AIG1: variants seen among roughly 807,000 people sequenced by gnomAD.
The protein encoded by AIG1 is androgen-induced gene 1 protein.
In AIG1, 23 loss-of-function variants were observed where a neutral mutation model predicts 31.4. The observed-to-expected ratio is 0.73, with a 90% CI of 0.53 to 1.04. The LOEUF is 1.04. Ranked by LOEUF, AIG1 falls within the 50% of genes least tolerant of loss-of-function variation. The pLI, the probability that AIG1 is intolerant of heterozygous loss-of-function variation, is 0.00. For synonymous variants in AIG1, 100 were observed against 110.5 expected (o/e 0.90, Z 0.60); for missense variants, 274 against 295.0 (o/e 0.93, Z 0.52).
At chr6:143,281,906 T>G (rs1038304591) in intron 3 of AIG1, among the ~76,000 whole-genome samples, 44 of 152,190 alleles carry the variant, frequency 2.9e-4, no homozygotes, top group Non-Finnish European at 5.9e-4. Context: ...ATGGGACAAG[T>G]TGCTCCTGTT....
At chr6:143,200,799 C>T (rs1457371145) in intron 3 of AIG1, among the ~76,000 whole-genome samples, 1 of 152,100 alleles carries the variant, frequency 6.6e-6, no homozygotes, top group African/African-American at 2.4e-5. Flanking sequence ...GCCTCAGGAC[C>T]ATTGCTGGAC....
chr6:143,188,694 A>C (rs1247417142), intron 3 of AIG1: 2 of 984,836 alleles, frequency 2.0e-6, no homozygotes, highest in Non-Finnish European at 2.4e-6. Flanking sequence ...ACCCCTCTAG[A>C]GCTCTCTAAG....
At chr6:143,156,644 C>CCA (rs775210623) in intron 2 of AIG1, among the ~76,000 whole-genome samples, 4 of 152,136 alleles carry the variant, frequency 2.6e-5, no homozygotes, top group African/African-American at 4.8e-5. Flanking sequence ...GAGATGGAGA[C>CCA]CACATGCAGA....
At position 143,292,262 on chromosome 6, in the gene AIG1, T is replaced by C. The variant is rs1421465034; in HGVS notation, c.515+8037T>C. Among the ~76,000 whole-genome samples, 1 of 152,238 alleles carries C rather than the reference T, an allele frequency of 6.6e-6. No homozygotes were observed. The highest frequency in any genetic ancestry group is 2.4e-5 in the African/African-American group (1 of 41,470). ...ACATGGCATGTGGCAAAAGGGACTT[T>C]GCAGGTGTGATTAAGGTAAGGACCT... is the stretch of plus-strand genomic sequence containing the variant. On this transcript the variant is annotated intron_variant, in intron 4 of 5. Coordinates refer to ENST00000357847, the MANE Select transcript of AIG1 (RefSeq NM_016108.4). This position sits in a 1 kb window ranked among gnomAD's most constrained non-coding sequence, Gnocchi z 4.9.
At chr6:143,339,016 C>T (rs1777714603) in intron 5 of AIG1, 1 of 152,144 alleles carries the variant, frequency 6.6e-6, no homozygotes, top group African/African-American at 2.4e-5. Flanking sequence ...AAGGTTCTTA[C>T]TGGTCCAGTA....
rs199980066 is a variant in AIG1 at position 143,157,450 on chromosome 6, C to T, written c.298-7632C>T. 5.2e-3 allele frequency among the ~76,000 whole-genome samples: 602 copies of T among 116,394 alleles called. 4 individuals are homozygous for T. The highest frequency in any genetic ancestry group is 0.024 in the African/African-American group (540 of 22,734). The allele number at this position is 116,394 out of a possible 152,430, so 76.4% of individuals were successfully genotyped here. ...TTTTCCTCTCTTCTTTTTTTTTTTT[C>T]CTTTTTTTTTTTTGTGGCTCCTAGT... On this transcript the variant is annotated intron_variant, in intron 2 of 5. Transcript: ENST00000357847.
chr6:143,343,396 A>G, downstream of AIG1: 3 of 555,452 alleles, frequency 5.4e-6, no homozygotes, highest in Non-Finnish European at 1.1e-5. Context: ...CTGGGATTGC[A>G]CAGTACCGGT....
rs954863973 is a variant in AIG1 at position 143,092,752 on chromosome 6, C to T, written c.141+31686C>T. Reference sequence around the variant, plus strand: ...CTAACAAGAGAGTAAGCCTGTCCATCAAAGCTTTGAGGTCAGGTCAGGTGC... The same window carrying T: ...CTAACAAGAGAGTAAGCCTGTCCATTAAAGCTTTGAGGTCAGGTCAGGTGC... On this transcript the variant is annotated intron_variant, in intron 1 of 5. Transcript: ENST00000357847. 3.3e-5 allele frequency among the ~76,000 whole-genome samples: 5 copies of T among 152,074 alleles called. No individual in the cohort carries two copies. In the South Asian group the frequency reaches 8.3e-4, roughly 25 times the overall value.
At chr6:143,155,885 T>C (rs1343414116) in intron 2 of AIG1, among the ~76,000 whole-genome samples, 2 of 152,138 alleles carry the variant, frequency 1.3e-5, no homozygotes, top group African/African-American at 4.8e-5. Context: ...TTGGGACTTC[T>C]GAGCTGGCAA....
In AIG1 at chr6:143,333,812, A is replaced by G. The variant is rs1269213037; in HGVS notation, c.679+367A>G. On this transcript the variant is annotated intron_variant, in intron 5 of 5. Transcript: ENST00000357847. This position sits in a 1 kb window ranked among gnomAD's most constrained non-coding sequence, Gnocchi z 4.6. Reference sequence around the variant, plus strand: ...AAGGGACCTCAAATTAAATAGATACATTATTAAATGTAACCAATCTCCTTT... The same window carrying G: ...AAGGGACCTCAAATTAAATAGATACGTTATTAAATGTAACCAATCTCCTTT... Among the ~76,000 whole-genome samples the G allele has an allele frequency of 6.6e-6, 1 of 152,186 alleles. No homozygotes were observed. The highest frequency in any genetic ancestry group is 1.5e-5 in the Non-Finnish European group (1 of 68,042).
rs532355865 is a variant in AIG1, at chr6:143,332,028, C to T, written c.516-1254C>T. On this transcript the variant is annotated intron_variant, in intron 4 of 5. Coordinates refer to ENST00000357847, the MANE Select transcript of AIG1 (RefSeq NM_016108.4). ...CTGGGATTACAGGCGCGCACCACCACGCCCAGCTAATTTTTGTATTTTTAA... is the reference window on the plus strand; with the variant it reads ...CTGGGATTACAGGCGCGCACCACCATGCCCAGCTAATTTTTGTATTTTTAA... Among the ~76,000 whole-genome samples, 23 of 151,828 alleles carry T rather than the reference C, an allele frequency of 1.5e-4. No individual in the cohort carries two copies. The South Asian group carries it at 3.6e-3, about 23-fold the overall frequency.
intron 3 of AIG1, among the ~76,000 whole-genome samples, chr6:143,198,934 A>C (rs564495289): frequency 1.3e-5 from 2 of 152,200 alleles, no homozygotes; most frequent in Non-Finnish European, 2.9e-5. Context: ...AGCCTTTGCC[A>C]TACCTTCTTT....
At chr6:143,125,352 G>C (rs1403392064) in intron 1 of AIG1, among the ~76,000 whole-genome samples, 1 of 152,154 alleles carries the variant, frequency 6.6e-6, no homozygotes, top group Non-Finnish European at 1.5e-5. Context: ...TTGTAGCAGA[G>C]TGCATACTGG....
intron 2 of AIG1, among the ~76,000 whole-genome samples, chr6:143,154,250 C>T (rs1785510519): frequency 6.6e-6 from 1 of 151,928 alleles, no homozygotes. Flanking sequence ...TAGTAGCTAC[C>T]TTAAAGTAGT....
intron 3 of AIG1, among the ~76,000 whole-genome samples, chr6:143,218,748 A>G (rs1002526903): frequency 6.6e-6 from 1 of 152,348 alleles, no homozygotes; most frequent in South Asian, 2.1e-4. Flanking sequence ...AGGACGCTTC[A>G]TTCATTCTCA....
chr6:143,175,377 C>G lies in AIG1; in HGVS notation c.399+10194C>G, dbSNP rs779819310. Reference sequence around the variant, plus strand: ...CTAGCAAGGCCAGGGAAGTTTTGCTCGATTATTTCCTCAAACATGTTTTCC... The same window carrying G: ...CTAGCAAGGCCAGGGAAGTTTTGCTGGATTATTTCCTCAAACATGTTTTCC... On this transcript the variant is annotated intron_variant, in intron 3 of 5. Transcript: ENST00000357847. Among the ~76,000 whole-genome samples the G allele has an allele frequency of 4.6e-5, 7 of 152,326 alleles. No homozygotes were observed. The East Asian group carries it at 1.3e-3, about 29-fold the overall frequency.
At chr6:143,099,949 A>G (rs1324993368) in intron 1 of AIG1, among the ~76,000 whole-genome samples, 3 of 152,226 alleles carry the variant, frequency 2.0e-5, no homozygotes, top group Non-Finnish European at 4.4e-5. Flanking sequence ...ACAAGGGTCA[A>G]TGGCAGACCT....
chr6:143,170,024 C>G (rs186841606), intron 3 of AIG1, among the ~76,000 whole-genome samples: 130 of 152,172 alleles, frequency 8.5e-4, no homozygotes, highest in African/African-American at 3.1e-3. Context: ...CTATGCTCAT[C>G]AGAGATATTG....
chr6:143,185,978 G>A (rs1251681593), intron 3 of AIG1, among the ~76,000 whole-genome samples: 1 of 152,128 alleles, frequency 6.6e-6, no homozygotes, highest in East Asian at 1.9e-4. Flanking sequence ...CCCTTGTCAA[G>A]CTGATTGATT....
Sources: allele counts gnomAD v4.1 joint callset (sites outside exome capture counted in the v4.1 genomes callset), GRCh38; gene constraint gnomAD v4.1.1; non-coding constraint Gnocchi (gnomAD v3.1); transcripts MANE v1.5; gene names NCBI Gene and HGNC (gene_info 2026-07-23, HGNC 2026-07-21).